Variants in NEGR1 observed in about 807,000 individuals in gnomAD.
NEGR1 encodes the protein neuronal growth regulator 1, also known as IgLON family member 4.
A neutral mutation model predicts 40.9 loss-of-function variants in NEGR1; 10 were observed. The ratio of observed to expected loss-of-function variants is 0.24; its 90% confidence interval spans 0.15 to 0.42. The LOEUF is 0.42. NEGR1 is among the 10% of genes least tolerant of loss of function. NEGR1 has a pLI of 1.00. For synonymous variants in NEGR1, 185 were observed against 166.8 expected (o/e 1.11, Z -0.84); for missense variants, 352 against 438.9 (o/e 0.80, Z 1.77).
intron 3 of NEGR1, among the ~76,000 whole-genome samples, chr1:71,756,228 T>C (rs540053709): frequency 1.3e-5 from 2 of 152,038 alleles, no homozygotes; most frequent in African/African-American, 4.8e-5. Context: ...TGTGTGAAAA[T>C]CTGAAAAGTG....
intron 1 of NEGR1, among the ~76,000 whole-genome samples, chr1:71,952,948 A>T (rs1646084972): frequency 6.9e-6 from 1 of 144,142 alleles, no homozygotes; most frequent in East Asian, 2.2e-4. Context: ...GTTAAGACCT[A>T]CTGCTCAGGA....
At chr1:71,495,193 T>C (rs1273413260) in intron 6 of NEGR1, among the ~76,000 whole-genome samples, 2 of 152,134 alleles carry the variant, frequency 1.3e-5, no homozygotes, top group Non-Finnish European at 2.9e-5. Context: ...AAAAGTCATG[T>C]ACAGGCCAGA....
intron 1 of NEGR1, among the ~76,000 whole-genome samples, chr1:72,071,784 C>A (rs116424637): frequency 1.3e-5 from 2 of 152,038 alleles, no homozygotes; most frequent in Non-Finnish European, 2.9e-5. Context: ...GAAACCCTAA[C>A]CTTTTTTCTA....
chr1:71,840,290 A>G (rs1183950189), intron 2 of NEGR1, among the ~76,000 whole-genome samples: 3 of 152,114 alleles, frequency 2.0e-5, no homozygotes, highest in South Asian at 4.1e-4. Context: ...TAAACACTCT[A>G]AAGTGTTCAG....
At chr1:71,565,966 G>T (rs1050903067) in intron 6 of NEGR1, among the ~76,000 whole-genome samples, 3 of 152,056 alleles carry the variant, frequency 2.0e-5, no homozygotes, top group African/African-American at 7.2e-5. Context: ...ACACAGAGAA[G>T]GCCATGTGAA....
At chr1:72,088,277 CAAAGTGT>C (rs147972601) in intron 1 of NEGR1, among the ~76,000 whole-genome samples, 2,328 of 152,216 alleles carry the variant, frequency 0.015, 55 homozygotes, top group African/African-American at 0.053. Flanking sequence ...AGCTCTTACT[CAAAGTGT>C]CAGACCTACT....
At chr1:72,276,043 G>A (rs1656038380) in intron 1 of NEGR1, among the ~76,000 whole-genome samples, 1 of 152,070 alleles carries the variant, frequency 6.6e-6, no homozygotes, top group Non-Finnish European at 1.5e-5. Context: ...GCTGCACTGA[G>A]CTATGATTGT....
At chr1:72,022,260 C>T (rs1488513741) in intron 1 of NEGR1, among the ~76,000 whole-genome samples, 1 of 111,662 alleles carries the variant, frequency 9.0e-6, no homozygotes, top group Non-Finnish European at 1.9e-5. Context: ...AAACAATTTT[C>T]ATATATATAT....
At chr1:71,702,211 C>A (rs1244693927) in intron 3 of NEGR1, among the ~76,000 whole-genome samples, 1 of 152,134 alleles carries the variant, frequency 6.6e-6, no homozygotes, top group East Asian at 1.9e-4. Flanking sequence ...TTCTTTTCTT[C>A]CATTTATACA....
At chr1:72,019,526 G>A (rs1174633329) in intron 1 of NEGR1, among the ~76,000 whole-genome samples, 1 of 152,128 alleles carries the variant, frequency 6.6e-6, no homozygotes, top group African/African-American at 2.4e-5. Flanking sequence ...ACTAAAGAAT[G>A]AAAGTACCAC....
At chr1:71,841,604 T>G (rs1659242056) in intron 2 of NEGR1, among the ~76,000 whole-genome samples, 1 of 152,158 alleles carries the variant, frequency 6.6e-6, no homozygotes, top group African/African-American at 2.4e-5. Flanking sequence ...GTACCCATTC[T>G]GCAGCCACAC....
intron 1 of NEGR1, among the ~76,000 whole-genome samples, chr1:72,199,065 C>T (rs958629879): frequency 6.6e-6 from 1 of 151,602 alleles, no homozygotes; most frequent in Non-Finnish European, 1.5e-5. Context: ...CCTGTTTTGC[C>T]ACTAATGTCC....
intron 1 of NEGR1, among the ~76,000 whole-genome samples, chr1:72,047,700 G>A (rs183222247): frequency 2.3e-4 from 35 of 151,168 alleles, no homozygotes; most frequent in Middle Eastern, 3.4e-3. Context: ...CTACTCTTAC[G>A]CACTGAAGCC....
chr1:71,517,605 C>T (rs1199593562), intron 6 of NEGR1, among the ~76,000 whole-genome samples: 1 of 144,642 alleles, frequency 6.9e-6, no homozygotes, highest in East Asian at 2.0e-4. Context: ...CTATGACAAA[C>T]CCACAGCCAA....
intron 6 of NEGR1, among the ~76,000 whole-genome samples, chr1:71,546,489 T>C (rs543259172): frequency 1.3e-5 from 2 of 151,774 alleles, no homozygotes; most frequent in South Asian, 2.1e-4. Flanking sequence ...AAAGAAGGCA[T>C]ATAGGTGTTT....
chr1:71,787,907 T>C lies in NEGR1; in HGVS notation c.410-11610A>G, dbSNP rs145035827. Reference sequence around the variant, plus strand: ...TTTCACATTACGTTGTTTGTTTTCTTATAAAAGTTGTACATTATCACACTA... The same window carrying C: ...TTTCACATTACGTTGTTTGTTTTCTCATAAAAGTTGTACATTATCACACTA... On this transcript the variant is annotated intron_variant, in intron 2 of 6. Transcript: ENST00000357731. Among the ~76,000 whole-genome samples the C allele has an allele frequency of 2.0e-3, 298 of 152,304 alleles. 1 individual carries two copies. Among genetic ancestry groups the C allele is most frequent in the African/African-American group, 7.0e-3 (289 of 41,558 alleles).
intron 1 of NEGR1, among the ~76,000 whole-genome samples, chr1:72,219,111 C>T (rs1294860601): frequency 6.6e-6 from 1 of 152,004 alleles, no homozygotes; most frequent in African/African-American, 2.4e-5. Flanking sequence ...GGTCTGTTTT[C>T]TTACACCATG....
At chr1:71,744,282 A>G (rs537701132) in intron 3 of NEGR1, among the ~76,000 whole-genome samples, 1 of 90,100 alleles carries the variant, frequency 1.1e-5, no homozygotes, top group East Asian at 5.3e-4. Flanking sequence ...TATGACAAAT[A>G]ACATATATAT....
intron 3 of NEGR1, among the ~76,000 whole-genome samples, chr1:71,725,896 C>G (rs1654657770): frequency 6.6e-6 from 1 of 152,100 alleles, no homozygotes; most frequent in African/African-American, 2.4e-5. Flanking sequence ...TTTATCTGCT[C>G]AGCATCTCTC....
Sources: gnomAD v4.1 joint callset for allele counts (sites outside exome capture counted in the v4.1 genomes callset) on GRCh38, gnomAD v4.1.1 for gene constraint, MANE v1.5 for transcripts, NCBI Gene and HGNC (gene_info 2026-07-23, HGNC 2026-07-21) for gene names.